WDR17: variants seen among roughly 807,000 people sequenced by gnomAD.
WDR17 encodes WD repeat-containing protein 17.
A neutral mutation model predicts 161.7 loss-of-function variants in WDR17; 143 were observed. That is an observed-to-expected ratio of 0.88 (90% confidence interval 0.77 to 1.02). The LOEUF is 1.02. Among genes scored for constraint, WDR17 ranks in the 50% least tolerant of loss-of-function variants. The pLI is 0.00. For synonymous variants in WDR17, 517 were observed against 515.6 expected (o/e 1.00, Z -0.04); for missense variants, 1,469 against 1,520.9 (o/e 0.97, Z 0.57).
At chr4:176,066,767 A>G (rs1490073701) in intron 1 of WDR17, among the ~76,000 whole-genome samples, 1 of 151,886 alleles carries the variant, frequency 6.6e-6, no homozygotes, top group African/African-American at 2.4e-5. Context: ...ATATATACAT[A>G]TATACTATAT....
intron 8 of WDR17, 24 bp downstream of exon 8, chr4:176,135,300 A>G: frequency 6.2e-7 from 1 of 1,609,456 alleles, no homozygotes; most frequent in South Asian, 1.1e-5. Context: ...TATTGAAATT[A>G]GGAATACAAT....
intron 4 of WDR17, among the ~76,000 whole-genome samples, chr4:176,120,747 T>C (rs1394490763): frequency 6.6e-6 from 1 of 151,610 alleles, no homozygotes. Context: ...ATCTAGTATC[T>C]CTGTTGATGT....
At chr4:176,073,126 T>C (rs1733453798) in intron 1 of WDR17, among the ~76,000 whole-genome samples, 1 of 152,144 alleles carries the variant, frequency 6.6e-6, no homozygotes, top group African/African-American at 2.4e-5. Context: ...TATTATACTT[T>C]AAGTTTTAGG....
At chr4:176,173,209 A>G in intron 24 of WDR17, 58 bp from the exon 25 acceptor site, 1 of 1,138,346 alleles carries the variant, frequency 8.8e-7, no homozygotes, top group Non-Finnish European at 1.3e-6. Flanking sequence ...TTAAAAATGG[A>G]TGAATAAATT....
At chr4:176,127,794 T>C (rs935129390) in intron 5 of WDR17, among the ~76,000 whole-genome samples, 2 of 152,190 alleles carry the variant, frequency 1.3e-5, no homozygotes, top group African/African-American at 4.8e-5. Flanking sequence ...TCTCCATTAC[T>C]GCCTCCCTAC....
intron 15 of WDR17, 85 bp downstream of exon 15, chr4:176,150,258 G>A: frequency 2.6e-6 from 4 of 1,550,558 alleles, no homozygotes; most frequent in Non-Finnish European, 3.5e-6. Flanking sequence ...ATATTTACAT[G>A]TACCATTCTA....
intron 2 of WDR17, 119 bp from the exon 3 acceptor site, chr4:176,115,673 ATCTT>A: frequency 1.5e-6 from 1 of 663,502 alleles, no homozygotes; most frequent in East Asian, 3.2e-5. Flanking sequence ...ATATGTTCAT[ATCTT>A]TATTATTAGG....
At chr4:176,177,983 CTCAAAAAAAAAAAAAAAAAA>C (rs1751697381) in intron 28 of WDR17, among the ~76,000 whole-genome samples, 1 of 46,780 alleles carries the variant, frequency 2.1e-5, no homozygotes, top group Non-Finnish European at 3.8e-5. Flanking sequence ...GAAACTCCGT[CTCAAAAAAAAAAAAAAAAAA>C]AAAAAAAAAA....
At chr4:176,165,177 A>C (rs1432407246) in intron 22 of WDR17, among the ~76,000 whole-genome samples, 2 of 151,440 alleles carry the variant, frequency 1.3e-5, no homozygotes, top group East Asian at 3.9e-4. Flanking sequence ...ACAAAAAAAA[A>C]AAAAACCCAT....
chr4:176,096,546 T>G, intron 1 of WDR17: 1 of 1,600,690 alleles, frequency 6.2e-7, no homozygotes, highest in South Asian at 1.1e-5. Context: ...ACATTTCAAA[T>G]TGGTTTGAGC....
intron 17 of WDR17, 105 bp from the exon 18 acceptor site, chr4:176,155,974 T>C: frequency 9.8e-7 from 1 of 1,022,042 alleles, no homozygotes; most frequent in Non-Finnish European, 1.4e-6. Flanking sequence ...AACTCAAATA[T>C]AAAAATACTA....
chr4:176,153,064 C>T (rs921309886), intron 17 of WDR17, among the ~76,000 whole-genome samples: 2 of 152,090 alleles, frequency 1.3e-5, no homozygotes, highest in African/African-American at 4.8e-5. Context: ...CACTGGGATC[C>T]CTATGCATGT....
chr4:176,101,245 A>C (rs906886017), intron 1 of WDR17, among the ~76,000 whole-genome samples: 1 of 152,100 alleles, frequency 6.6e-6, no homozygotes, highest in Non-Finnish European at 1.5e-5. Flanking sequence ...CCACCTAAGC[A>C]GGGCTGGGGG....
intron 10 of WDR17, 44 bp from the exon 11 acceptor site, chr4:176,141,939 T>C (rs1436308129): frequency 9.4e-6 from 13 of 1,385,060 alleles, no homozygotes; most frequent in Non-Finnish European, 1.3e-5. Flanking sequence ...GAATAATGTA[T>C]TTAGAGTATT....
intron 17 of WDR17, among the ~76,000 whole-genome samples, chr4:176,153,328 T>C (rs1224800067): frequency 6.6e-6 from 1 of 152,212 alleles, no homozygotes; most frequent in Admixed American, 6.5e-5. Context: ...GAATATCATC[T>C]GATAAAGGAT....
intron 1 of WDR17, among the ~76,000 whole-genome samples, chr4:176,076,787 C>T (rs1485522): frequency 0.19 from 29,000 of 151,732 alleles, 3,062 homozygotes; most frequent in South Asian, 0.27. Flanking sequence ...GAATGAGAGG[C>T]GGCCCATATA....
Position 176,119,731 on chromosome 4 carries a change from AT to A in WDR17, c.308-135del, listed in dbSNP as rs576573392. 4.9e-4 allele frequency: 396 copies of A among 806,238 alleles called. 1 individual carries two copies. Among genetic ancestry groups the A allele is most frequent in the Non-Finnish European group, 7.0e-4 (365 of 522,912 alleles). 49.9% of individuals were successfully genotyped at this position (806,238 alleles called of 1,614,324 possible). On this transcript the variant is annotated intron_variant, in intron 3 of 28. Transcript: ENST00000508596. ...TGCAGTCTTTGGGATTTCTTTATAA[AT>A]CCAATTCCCAAATAAGAAAGTAATG...
chr4:176,080,534 A>G (rs1307282364), intron 1 of WDR17, among the ~76,000 whole-genome samples: 2 of 152,124 alleles, frequency 1.3e-5, no homozygotes, highest in Non-Finnish European at 2.9e-5. Flanking sequence ...GAGATGTTTC[A>G]GGAGGGTGGA....
intron 22 of WDR17, chr4:176,166,016 T>C: frequency 1.8e-6 from 1 of 540,548 alleles, no homozygotes; most frequent in Non-Finnish European, 3.2e-6. Flanking sequence ...AAGATGTGCA[T>C]AATTTTTAAG....
Sources: allele counts gnomAD v4.1 joint callset (sites outside exome capture counted in the v4.1 genomes callset), GRCh38; gene constraint gnomAD v4.1.1; transcripts MANE v1.5; gene names NCBI Gene and HGNC (gene_info 2026-07-23, HGNC 2026-07-21).